The following TANGO2 variants were observed in gnomAD, a reference collection of about 807,000 sequenced individuals.
TANGO2 encodes transport and Golgi organization protein 2 homolog.
In TANGO2, 26 loss-of-function variants were observed where a neutral mutation model predicts 39.1. The observed-to-expected ratio is 0.67, with a 90% CI of 0.49 to 0.92. The LOEUF is 0.92. Among genes scored for constraint, TANGO2 ranks in the 40% least tolerant of loss-of-function variants. The pLI is 0.00. For synonymous variants in TANGO2, 131 were observed against 144.5 expected (o/e 0.91, Z 0.67); for missense variants, 326 against 360.1 (o/e 0.91, Z 0.77).
At chr22:20,054,118 C>A (rs1348119417) in intron 5 of TANGO2, 5 of 266,742 alleles carry the variant, frequency 1.9e-5, no homozygotes, top group Non-Finnish European at 3.0e-5. Flanking sequence ...AAGCTGCCTC[C>A]TTCCACAAGG....
chr22:20,045,490 C>G (rs1026568424), intron 3 of TANGO2, among the ~76,000 whole-genome samples: 1 of 146,952 alleles, frequency 6.8e-6, no homozygotes, highest in Non-Finnish European at 1.5e-5. Context: ...AAAAATTTGG[C>G]CATCACTTCT....
intron 2 of TANGO2, among the ~76,000 whole-genome samples, chr22:20,037,440 A>G (rs1402155529): frequency 6.6e-6 from 1 of 152,172 alleles, no homozygotes; most frequent in Non-Finnish European, 1.5e-5. Context: ...CAGAGATATA[A>G]CCCACATCTA....
chr22:20,042,922 A>G (rs903508528), intron 2 of TANGO2, among the ~76,000 whole-genome samples: 2 of 152,090 alleles, frequency 1.3e-5, no homozygotes, highest in African/African-American at 4.8e-5. Flanking sequence ...ATGCTGTGCC[A>G]TTCAATCTGT....
chr22:20,064,556 T>A lies in TANGO2; in HGVS notation c.725T>A (p.Ile242Asn). Reference sequence around the variant, plus strand: ...CTCTCTTTCAGAACCAACACTATCATCCTGGTAGATGCGGACGGCCACGTG... The same window carrying A: ...CTCTCTTTCAGAACCAACACTATCAACCTGGTAGATGCGGACGGCCACGTG... ...PGYGTRTNTI[I>N]LVDADGHVTF... The change falls in exon 9 of 9, where the codon ATC (isoleucine) becomes AAC (asparagine). Residue 242 changes from isoleucine (I) to asparagine (N), a missense_variant. Physicochemically the swap from Ile to Asn is moderately radical, Grantham distance 149 (BLOSUM62 -3). Coordinates refer to ENST00000327374, the MANE Select transcript of TANGO2 (RefSeq NM_152906.7). 1 of 1,614,066 alleles carries A rather than the reference T, an allele frequency of 6.2e-7. No individual in the cohort carries two copies. The highest frequency in any genetic ancestry group is 8.5e-7 in the Non-Finnish European group (1 of 1,179,966).
At chr22:20,054,178 C>T (rs1012698177) in intron 5 of TANGO2, 2 of 226,254 alleles carry the variant, frequency 8.8e-6, no homozygotes, top group African/African-American at 2.3e-5. Context: ...GCCTGCTGTT[C>T]GTTGAGCATC....
intron 4 of TANGO2, 56 bp downstream of exon 4, chr22:20,052,640 G>A (rs2046583968): frequency 5.9e-6 from 9 of 1,536,218 alleles, no homozygotes; most frequent in Non-Finnish European, 7.9e-6. Context: ...GCAGGCCTAG[G>A]TGAGACAAGG....
chr22:20,048,692 G>T (rs1043824550), intron 3 of TANGO2, among the ~76,000 whole-genome samples: 3 of 151,868 alleles, frequency 2.0e-5, no homozygotes, highest in Non-Finnish European at 4.4e-5. Flanking sequence ...CTGTTGCCAG[G>T]CTGGAGTACA....
intron 6 of TANGO2, chr22:20,056,710 C>A: frequency 2.2e-6 from 1 of 456,686 alleles, no homozygotes; most frequent in Non-Finnish European, 4.4e-6. Flanking sequence ...CATCTTGTCC[C>A]AGGTCTGGTG....
intron 6 of TANGO2, chr22:20,058,032 T>G (rs537861150): frequency 1.3e-5 from 2 of 152,344 alleles, no homozygotes; most frequent in South Asian, 4.1e-4. Flanking sequence ...ATTGCCTTTT[T>G]TTTTTTGATA....
chr22:20,056,741 T>C (rs1020744409), intron 6 of TANGO2: 1 of 456,264 alleles, frequency 2.2e-6, no homozygotes, highest in African/African-American at 2.0e-5. Flanking sequence ...GCAGCACTCC[T>C]GGGAAATGGC....
intron 2 of TANGO2, among the ~76,000 whole-genome samples, chr22:20,037,825 C>T (rs1232122698): frequency 2.0e-5 from 3 of 152,140 alleles, no homozygotes; most frequent in Non-Finnish European, 2.9e-5. Flanking sequence ...TGGCCGAGCA[C>T]GGTGGCTCAC....
intron 1 of TANGO2, among the ~76,000 whole-genome samples, chr22:20,027,710 C>T (rs1409360562): frequency 6.6e-6 from 1 of 151,942 alleles, no homozygotes; most frequent in East Asian, 1.9e-4. Context: ...TGGGCTCGAG[C>T]AATCCTTCTG....
At chr22:20,054,451 G>A (rs955978335) in intron 5 of TANGO2, 7 of 152,460 alleles carry the variant, frequency 4.6e-5, no homozygotes, top group African/African-American at 9.6e-5. Flanking sequence ...GTTCCTCTGC[G>A]GCCGTGGCAC....
intron 5 of TANGO2, chr22:20,053,801 T>C (rs1478225715): frequency 1.9e-6 from 1 of 538,526 alleles, no homozygotes; most frequent in South Asian, 1.5e-5. Context: ...GCTGAGGCTG[T>C]GAAGAACAGT....
intron 7 of TANGO2, among the ~76,000 whole-genome samples, chr22:20,062,590 C>T (rs2089672497): frequency 6.6e-6 from 1 of 152,398 alleles, no homozygotes; most frequent in South Asian, 2.1e-4. Context: ...TCCACACAGC[C>T]CCCATCAATG....
chr22:20,039,371 G>A (rs937233080), intron 2 of TANGO2, among the ~76,000 whole-genome samples: 1 of 151,342 alleles, frequency 6.6e-6, no homozygotes, highest in Non-Finnish European at 1.5e-5. Flanking sequence ...GCTCACGCCT[G>A]TAATCCCAGC....
intron 3 of TANGO2, among the ~76,000 whole-genome samples, chr22:20,050,271 A>T (rs2046053206): frequency 1.3e-5 from 2 of 151,968 alleles, no homozygotes. Flanking sequence ...CTCTCCTTAA[A>T]TCAGGTCAGC....
intron 2 of TANGO2, among the ~76,000 whole-genome samples, chr22:20,040,504 G>A (rs1218132833): frequency 6.6e-6 from 1 of 152,214 alleles, no homozygotes; most frequent in African/African-American, 2.4e-5. Context: ...GAGGAGGAAG[G>A]TATTTAAGAG....
At chr22:20,041,066 C>G (rs1197525845) in intron 2 of TANGO2, among the ~76,000 whole-genome samples, 1 of 152,220 alleles carries the variant, frequency 6.6e-6, no homozygotes, top group Non-Finnish European at 1.5e-5. Flanking sequence ...CAAGAAGCTT[C>G]AGGGGCAGGC....
Sources: allele counts gnomAD v4.1 joint callset (sites outside exome capture counted in the v4.1 genomes callset), GRCh38; gene constraint gnomAD v4.1.1; transcripts MANE v1.5; gene names NCBI Gene and HGNC (gene_info 2026-07-23, HGNC 2026-07-21).